Variants in MOV10L1 observed in about 807,000 individuals in gnomAD.
MOV10L1 encodes the protein RNA helicase Mov10l1.
MOV10L1 carries 110 observed loss-of-function variants against 143.8 expected under a neutral mutation model. That is an observed-to-expected ratio of 0.76 (90% confidence interval 0.66 to 0.90). The LOEUF is 0.90. Among genes scored for constraint, MOV10L1 ranks in the 40% least tolerant of loss-of-function variants. The pLI, the probability that MOV10L1 is intolerant of heterozygous loss-of-function variation, is 0.00. For missense variants in MOV10L1, 1,406 were observed against 1,526.8 expected, an observed-to-expected ratio of 0.92 and a Z score of 1.32; for synonymous variants, 593 against 581.1, an observed-to-expected ratio of 1.02 and a Z score of -0.29.
chr22:50,160,768 A>G lies in MOV10L1; in HGVS notation c.3405A>G (p.Ala1135=). ...CCAACTCAAAAAGATTTAATGTTGC[A>G]ATCACCAGACCCAAAGCTTTGCTGA... ...FLSNSKRFNV[A]ITRPKALLIV... The change falls in exon 25 of 27, where the codon GCA becomes GCG. Residue 1135 remains alanine, a synonymous_variant. Transcript: ENST00000262794. 1 of 1,614,092 alleles carries G rather than the reference A, an allele frequency of 6.2e-7. No homozygotes were observed. The highest frequency in any genetic ancestry group is 8.5e-7 in the Non-Finnish European group (1 of 1,180,008).
chr22:50,123,469 A>C (rs550852437), intron 10 of MOV10L1, among the ~76,000 whole-genome samples: 1 of 152,034 alleles, frequency 6.6e-6, no homozygotes, highest in Admixed American at 6.5e-5. Flanking sequence ...GGCTCAAGCA[A>C]TCCTCCCACC....
chr22:50,122,498 A>T (rs2062375449), intron 10 of MOV10L1, among the ~76,000 whole-genome samples: 1 of 152,190 alleles, frequency 6.6e-6, no homozygotes. Flanking sequence ...CTGCAAACAG[A>T]TAATTTTATT....
intron 22 of MOV10L1, among the ~76,000 whole-genome samples, chr22:50,155,803 G>A (rs1391933572): frequency 2.0e-5 from 3 of 152,158 alleles, no homozygotes; most frequent in East Asian, 1.9e-4. Context: ...TTCTAGGGCC[G>A]GATGTGGGAG....
Position 50,113,516 on chromosome 22 carries a change from C to T in MOV10L1, c.744-132C>T, listed in dbSNP as rs551682370. ...TGCCATCCTCCTTAGAAACCTAAGTCTGTGGAAGCCCTGCCTGTGGTGAGG... is the reference window on the plus strand; with the variant it reads ...TGCCATCCTCCTTAGAAACCTAAGTTTGTGGAAGCCCTGCCTGTGGTGAGG... On this transcript the variant is annotated intron_variant, in intron 5 of 26. Coordinates refer to ENST00000262794, the MANE Select transcript of MOV10L1 (RefSeq NM_018995.3). The T allele has an allele frequency of 1.0e-4, 128 of 1,234,494 alleles. No homozygotes were observed. In the South Asian group the frequency reaches 1.9e-3, roughly 18 times the overall value. 76.5% of individuals were successfully genotyped at this position (1,234,494 alleles called of 1,614,324 possible).
intron 14 of MOV10L1, 34 bp from the exon 15 acceptor site, chr22:50,134,496 A>T (rs747285990): frequency 1.9e-6 from 3 of 1,568,334 alleles, no homozygotes; most frequent in Non-Finnish European, 2.6e-6. Flanking sequence ...CTTTTTAGTT[A>T]TACCCGTGCT....
chr22:50,127,505 C>A (rs2062545161), intron 12 of MOV10L1, among the ~76,000 whole-genome samples: 1 of 152,202 alleles, frequency 6.6e-6, no homozygotes, highest in South Asian at 2.1e-4. Flanking sequence ...ACCACTGTTG[C>A]TTCCCTTCCT....
chr22:50,090,758 C>T (rs1340685766), intron 1 of MOV10L1: 2 of 479,360 alleles, frequency 4.2e-6, no homozygotes, highest in Non-Finnish European at 7.6e-6. Context: ...CTCACCGCAA[C>T]CTCCGCCTTC....
chr22:50,141,348 A>C (rs1327240364), intron 15 of MOV10L1, among the ~76,000 whole-genome samples: 1 of 137,726 alleles, frequency 7.3e-6, no homozygotes, highest in Non-Finnish European at 1.6e-5. Context: ...TTTTTTTTTT[A>C]TGAGTTTGGG....
At chr22:50,137,567 TG>T (rs1279884102) in intron 15 of MOV10L1, among the ~76,000 whole-genome samples, 9 of 151,698 alleles carry the variant, frequency 5.9e-5, no homozygotes, top group African/African-American at 2.2e-4. Context: ...TAGCTGGGTG[TG>T]GTGGCATGTG....
intron 22 of MOV10L1, among the ~76,000 whole-genome samples, chr22:50,154,528 A>G (rs1005538830): frequency 9.9e-5 from 15 of 152,212 alleles, no homozygotes; most frequent in African/African-American, 3.6e-4. Context: ...TGATTGCACC[A>G]CTGTACCCCA....
chr22:50,147,281 T>C, intron 19 of MOV10L1: 1 of 268,504 alleles, frequency 3.7e-6, no homozygotes, highest in Non-Finnish European at 6.7e-6. Context: ...TGCAGGCCGC[T>C]CTCTCAGAGG....
At chr22:50,151,628 C>T (rs986135542) in intron 21 of MOV10L1, among the ~76,000 whole-genome samples, 1 of 152,214 alleles carries the variant, frequency 6.6e-6, no homozygotes, top group Non-Finnish European at 1.5e-5. Flanking sequence ...GATGGCCGGC[C>T]GTGAGCAGCT....
intron 4 of MOV10L1, 112 bp downstream of exon 4, chr22:50,108,360 C>CT (rs2061930771): frequency 9.8e-7 from 1 of 1,022,966 alleles, no homozygotes; most frequent in African/African-American, 1.6e-5. Context: ...AAAAATAAAG[C>CT]TTTGTCATGG....
intron 18 of MOV10L1, among the ~76,000 whole-genome samples, chr22:50,145,363 A>C (rs201975227): frequency 6.6e-6 from 1 of 152,164 alleles, no homozygotes; most frequent in Non-Finnish European, 1.5e-5. Flanking sequence ...CAGAGGTTGC[A>C]GTGAGCCGAG....
At chr22:50,103,646 G>A (rs1160394374) in intron 3 of MOV10L1, among the ~76,000 whole-genome samples, 6 of 152,142 alleles carry the variant, frequency 3.9e-5, no homozygotes, top group Non-Finnish European at 5.9e-5. Context: ...GCTCTGTCCC[G>A]GCCCTCTTCA....
At chr22:50,160,253 CTTTT>C (rs571939734) in intron 24 of MOV10L1, among the ~76,000 whole-genome samples, 6 of 97,702 alleles carry the variant, frequency 6.1e-5, no homozygotes, top group African/African-American at 2.2e-4. Flanking sequence ...TTTTTTCTTT[CTTTT>C]TTTTTTTTTG....
intron 15 of MOV10L1, 83 bp downstream of exon 15, chr22:50,134,713 C>A (rs538696797): frequency 2.5e-6 from 3 of 1,180,854 alleles, no homozygotes; most frequent in East Asian, 4.7e-5. Context: ...GGCTCAGCGG[C>A]GTGACTGTCT....
intron 11 of MOV10L1, among the ~76,000 whole-genome samples, chr22:50,125,937 G>A (rs568020666): frequency 1.3e-5 from 2 of 149,700 alleles, no homozygotes; most frequent in South Asian, 2.2e-4. Context: ...ACAGGCGCCC[G>A]CCACCACACC....
At chr22:50,154,586 A>G (rs1368554531) in intron 22 of MOV10L1, among the ~76,000 whole-genome samples, 7 of 151,952 alleles carry the variant, frequency 4.6e-5, no homozygotes, top group Admixed American at 2.6e-4. Context: ...ATATAAATAA[A>G]TATAAATAAA....
Sources: allele counts gnomAD v4.1 joint callset (sites outside exome capture counted in the v4.1 genomes callset), GRCh38; gene constraint gnomAD v4.1.1; transcripts MANE v1.5; gene names NCBI Gene and HGNC (gene_info 2026-07-23, HGNC 2026-07-21).